The following CDH8 variants were observed in gnomAD, a reference collection of about 807,000 sequenced individuals.
The protein encoded by CDH8 is cadherin-8.
CDH8 carries 17 observed loss-of-function variants against 68.1 expected under a neutral mutation model. The ratio of observed to expected loss-of-function variants is 0.25; its 90% CI spans 0.17 to 0.37. The LOEUF (loss-of-function observed/expected upper bound fraction) is 0.37. CDH8 is among the 10% of genes least tolerant of loss of function. The pLI, the probability that CDH8 is intolerant of heterozygous loss-of-function variation, is 1.00. For synonymous variants in CDH8, 372 were observed against 365.1 expected (o/e 1.02, Z -0.21); for missense variants, 763 against 999.3 (o/e 0.76, Z 3.19).
chr16:61,882,292 T>C (rs1007852062), intron 3 of CDH8, among the ~76,000 whole-genome samples: 2 of 152,248 alleles, frequency 1.3e-5, no homozygotes, highest in Admixed American at 6.5e-5. Flanking sequence ...TCCATGCATT[T>C]GCCTGCTTGC....
At chr16:61,969,048 A>T (rs906036566) in intron 2 of CDH8, among the ~76,000 whole-genome samples, 1 of 152,246 alleles carries the variant, frequency 6.6e-6, no homozygotes, top group African/African-American at 2.4e-5. Flanking sequence ...TTACACAAAA[A>T]GGAACTGAAA....
Position 61,872,319 on chromosome 16 carries a change from A to G in CDH8, c.548-15081T>C, listed in dbSNP as rs543991308. Among the ~76,000 whole-genome samples the G allele has an allele frequency of 7.2e-5, 11 of 152,334 alleles. No homozygotes were observed. The East Asian group carries it at 1.9e-3, about 27-fold the overall frequency. ...AGGAGGTCCTGATAACATGTGCCCA[A>G]GGTGGTTGGGATACAGATTGTTTCT... On this transcript the variant is annotated intron_variant, in intron 3 of 11. Transcript: ENST00000577390.
intron 2 of CDH8, among the ~76,000 whole-genome samples, chr16:61,941,932 C>T (rs1206781980): frequency 1.3e-5 from 2 of 152,138 alleles, no homozygotes; most frequent in African/African-American, 2.4e-5. Context: ...CTCCCTTATA[C>T]ATTAACCTGC....
rs148905660 is a variant in CDH8 at position 61,647,602 on chromosome 16, A to T, written c.*6006T>A. On this transcript the variant is annotated 3_prime_UTR_variant, in exon 12 of 12. Coordinates refer to ENST00000577390, the MANE Select transcript of CDH8 (RefSeq NM_001796.5). ...TTGCATGTACAGAAGAAATCCCAAGAAATTAACATTTGGCTTTGGGGGGTG... is the reference window on the plus strand; with the variant it reads ...TTGCATGTACAGAAGAAATCCCAAGTAATTAACATTTGGCTTTGGGGGGTG... 1,232 of 551,372 alleles carry T rather than the reference A, an allele frequency of 2.2e-3. 14 individuals carry two copies. Among genetic ancestry groups the T allele is most frequent in the African/African-American group, 0.022 (1,142 of 51,910 alleles). 34.2% of individuals were successfully genotyped at this position (551,372 alleles called of 1,614,324 possible).
chr16:61,843,587 CA>C (rs1008643797), intron 4 of CDH8, among the ~76,000 whole-genome samples: 4 of 152,140 alleles, frequency 2.6e-5, no homozygotes, highest in African/African-American at 9.7e-5. Flanking sequence ...CCTGAAATTC[CA>C]AAACACATTG....
In CDH8 at chr16:61,954,456, C is replaced by T. The variant is rs140239323; in HGVS notation, c.253-52983G>A. ...ACTCATGATAAATACTCGAAATGCACTTTGGGAGGCCGAGGCGGGTGGATC... is the reference window on the plus strand; with the variant it reads ...ACTCATGATAAATACTCGAAATGCATTTTGGGAGGCCGAGGCGGGTGGATC... On this transcript the variant is annotated intron_variant, in intron 2 of 11. Transcript: ENST00000577390. Among the ~76,000 whole-genome samples, 183 of 152,144 alleles carry T rather than the reference C, an allele frequency of 1.2e-3. 1 individual carries two copies. Among genetic ancestry groups the T allele is most frequent in the African/African-American group, 4.4e-3 (181 of 41,514 alleles).
intron 7 of CDH8, among the ~76,000 whole-genome samples, chr16:61,812,581 T>C (rs1340390827): frequency 6.6e-6 from 1 of 151,824 alleles, no homozygotes; most frequent in Non-Finnish European, 1.5e-5. Flanking sequence ...AATAAGTTTA[T>C]GAAAGGAAAA....
chr16:61,709,899 A>C (rs1964601061), intron 10 of CDH8, among the ~76,000 whole-genome samples: 1 of 152,152 alleles, frequency 6.6e-6, no homozygotes, highest in South Asian at 2.1e-4. Flanking sequence ...CTGTATAAGC[A>C]GATGTTTTTG....
At chr16:61,723,632 T>C (rs918567987) in intron 9 of CDH8, among the ~76,000 whole-genome samples, 6 of 150,726 alleles carry the variant, frequency 4.0e-5, no homozygotes, top group African/African-American at 1.5e-4. Flanking sequence ...TATTGGGGTG[T>C]TGTATACTAC....
intron 8 of CDH8, among the ~76,000 whole-genome samples, chr16:61,763,874 CT>C (rs1960525886): frequency 6.6e-6 from 1 of 151,968 alleles, no homozygotes; most frequent in African/African-American, 2.4e-5. Context: ...AAGGTTATAC[CT>C]GTAAGAGCAA....
chr16:61,838,488 CA>C (rs761249820), intron 4 of CDH8, among the ~76,000 whole-genome samples: 12 of 152,114 alleles, frequency 7.9e-5, no homozygotes, highest in African/African-American at 2.9e-4. Flanking sequence ...AGATTCTCTG[CA>C]GCAAAGATAC....
chr16:61,951,209 A>C (rs1964891873), intron 2 of CDH8, among the ~76,000 whole-genome samples: 1 of 152,034 alleles, frequency 6.6e-6, no homozygotes, highest in African/African-American at 2.4e-5. Context: ...TTCCCAATAC[A>C]TGTATAAAAG....
chr16:61,757,489 T>C (rs549421117), intron 8 of CDH8, among the ~76,000 whole-genome samples: 3 of 152,228 alleles, frequency 2.0e-5, no homozygotes, highest in Admixed American at 2.0e-4. Flanking sequence ...CACAATCACA[T>C]ACTTTTAAAA....
intron 10 of CDH8, among the ~76,000 whole-genome samples, chr16:61,710,523 C>A (rs1167934974): frequency 6.6e-6 from 1 of 152,020 alleles, no homozygotes; most frequent in Non-Finnish European, 1.5e-5. Flanking sequence ...GAAGGAAAAA[C>A]AAATTGGTAT....
At chr16:61,705,959 A>C (rs1375988753) in intron 10 of CDH8, among the ~76,000 whole-genome samples, 1 of 152,230 alleles carries the variant, frequency 6.6e-6, no homozygotes, top group Non-Finnish European at 1.5e-5. Context: ...GTGTCTATTT[A>C]ATTCACTGCT....
intron 3 of CDH8, among the ~76,000 whole-genome samples, chr16:61,879,472 C>T (rs1358854727): frequency 6.6e-6 from 1 of 152,200 alleles, no homozygotes; most frequent in Non-Finnish European, 1.5e-5. Context: ...ATCCGGTTGA[C>T]ATTCCAACAC....
chr16:61,732,311 A>G (rs1337980394), intron 8 of CDH8, among the ~76,000 whole-genome samples: 4 of 151,812 alleles, frequency 2.6e-5, no homozygotes, highest in Non-Finnish European at 5.9e-5. Context: ...CAGACATATC[A>G]TATCTAAAAT....
At chr16:61,719,311 C>T (rs1959200472) in intron 9 of CDH8, among the ~76,000 whole-genome samples, 1 of 151,154 alleles carries the variant, frequency 6.6e-6, no homozygotes, top group South Asian at 2.1e-4. Context: ...ACTCTGCCTT[C>T]ATAAATGCAT....
At chr16:61,752,178 G>A (rs1960185085) in intron 8 of CDH8, among the ~76,000 whole-genome samples, 1 of 152,086 alleles carries the variant, frequency 6.6e-6, no homozygotes, top group Non-Finnish European at 1.5e-5. Context: ...TGGGGATCAG[G>A]GTAGTCTTAT....
Sources: allele counts gnomAD v4.1 joint callset (sites outside exome capture counted in the v4.1 genomes callset), GRCh38; gene constraint gnomAD v4.1.1; transcripts MANE v1.5; gene names NCBI Gene and HGNC (gene_info 2026-07-23, HGNC 2026-07-21).